HYCC1: variants seen among roughly 807,000 people sequenced by gnomAD.
The protein encoded by HYCC1 is hyccin PI4KA lipid kinase complex subunit 1.
the HYCC1 span, among the ~76,000 whole-genome samples, chr7:22,982,513 T>A: frequency 6.6e-6 from 1 of 152,318 alleles, no homozygotes; most frequent in South Asian, 2.1e-4. Flanking sequence ...CATATTGGAC[T>A]GGACTCCAGG....
At chr7:22,925,387 C>G in the HYCC1 span, among the ~76,000 whole-genome samples, 1 of 152,058 alleles carries the variant, frequency 6.6e-6, no homozygotes, top group African/African-American at 2.4e-5. Flanking sequence ...CTACTCCGAG[C>G]TAAAGGAGGA....
the HYCC1 span, among the ~76,000 whole-genome samples, chr7:23,000,754 G>A: frequency 6.6e-6 from 1 of 151,896 alleles, no homozygotes; most frequent in Non-Finnish European, 1.5e-5. Flanking sequence ...TTCCACCTAG[G>A]GCCTGTCCTC....
At chr7:22,978,166 T>C in the HYCC1 span, 1 of 1,039,160 alleles carries the variant, frequency 9.6e-7, no homozygotes, top group Admixed American at 1.9e-5. Flanking sequence ...TCATTTGGTG[T>C]ATGAAAAAAC....
chr7:22,999,561 A>G, the HYCC1 span, among the ~76,000 whole-genome samples: 1 of 152,224 alleles, frequency 6.6e-6, no homozygotes, highest in Non-Finnish European at 1.5e-5. Flanking sequence ...CAGGATGTCA[A>G]GTCGACAGCC....
At chr7:22,930,686 C>T in the HYCC1 span, among the ~76,000 whole-genome samples, 1 of 151,864 alleles carries the variant, frequency 6.6e-6, no homozygotes, top group Admixed American at 6.6e-5. Flanking sequence ...AGTAATATTC[C>T]CCATGAGTAG....
At chr7:22,976,157 G>T in the HYCC1 span, 4 of 1,074,582 alleles carry the variant, frequency 3.7e-6, no homozygotes, top group Non-Finnish European at 5.8e-6. Flanking sequence ...TACCAGACTA[G>T]CAATCATAGA....
At chr7:22,906,534 C>T in the HYCC1 span, among the ~76,000 whole-genome samples, 6 of 149,744 alleles carry the variant, frequency 4.0e-5, no homozygotes, top group Non-Finnish European at 8.9e-5. Context: ...GCCAAGATCG[C>T]GCCACTGCAA....
At chr7:22,941,196 A>C in the HYCC1 span, 7 of 152,176 alleles carry the variant, frequency 4.6e-5, no homozygotes, top group African/African-American at 1.7e-4. Flanking sequence ...CTCTTCCTTC[A>C]TATCAAAACT....
the HYCC1 span, among the ~76,000 whole-genome samples, chr7:22,969,286 T>C: frequency 6.6e-6 from 1 of 151,746 alleles, no homozygotes; most frequent in African/African-American, 2.4e-5. Context: ...GTGACTCTCA[T>C]GCCCCAGCCT....
chr7:22,921,088 T>C, the HYCC1 span, among the ~76,000 whole-genome samples: 1 of 152,202 alleles, frequency 6.6e-6, no homozygotes, highest in Non-Finnish European at 1.5e-5. Flanking sequence ...TGTGAGCCAA[T>C]TAAACCTCTT....
At chr7:22,914,851 C>T in the HYCC1 span, among the ~76,000 whole-genome samples, 9 of 152,110 alleles carry the variant, frequency 5.9e-5, no homozygotes, top group Non-Finnish European at 5.9e-5. Context: ...CTCTATAATC[C>T]TTCTATCACC....
chr7:22,948,365 G>A, the HYCC1 span, among the ~76,000 whole-genome samples: 2 of 152,052 alleles, frequency 1.3e-5, no homozygotes, highest in African/African-American at 4.8e-5. Context: ...AAAGAACAAA[G>A]GCCAGAGCCA....
chr7:22,991,359 C>T, the HYCC1 span, among the ~76,000 whole-genome samples: 1 of 152,086 alleles, frequency 6.6e-6, no homozygotes, highest in Admixed American at 6.6e-5. Flanking sequence ...GAAATTGGCT[C>T]TCCAATTTTC....
At chr7:23,005,542 CTGAT>C in the HYCC1 span, among the ~76,000 whole-genome samples, 1 of 152,210 alleles carries the variant, frequency 6.6e-6, no homozygotes, top group Non-Finnish European at 1.5e-5. Flanking sequence ...TTACTCTTCA[CTGAT>C]TAACTTTCTG....
At chr7:22,965,045 A>C in the HYCC1 span, among the ~76,000 whole-genome samples, 25 of 151,984 alleles carry the variant, frequency 1.6e-4, no homozygotes, top group South Asian at 6.2e-4. Context: ...GAGGCAGCAC[A>C]ATCACTTGAA....
chr7:22,997,175 T>G, the HYCC1 span, among the ~76,000 whole-genome samples: 1 of 152,176 alleles, frequency 6.6e-6, no homozygotes, highest in African/African-American at 2.4e-5. Flanking sequence ...TAATAACAAT[T>G]ACCAAAATTT....
At chr7:22,922,601 G>A in the HYCC1 span, among the ~76,000 whole-genome samples, 2 of 152,274 alleles carry the variant, frequency 1.3e-5, no homozygotes, top group Admixed American at 1.3e-4. Flanking sequence ...TCACACCATT[G>A]TAAAGTTAAA....
the HYCC1 span, among the ~76,000 whole-genome samples, chr7:22,967,151 T>G: frequency 1.3e-5 from 2 of 152,220 alleles, no homozygotes; most frequent in African/African-American, 2.4e-5. Context: ...GAGATATACA[T>G]GATGGATGTA....
chr7:22,911,135 T>G, the HYCC1 span, among the ~76,000 whole-genome samples: 1 of 152,058 alleles, frequency 6.6e-6, no homozygotes, highest in Non-Finnish European at 1.5e-5. Context: ...AATATAGGAG[T>G]TCTTACCATT....
Sources: gnomAD v4.1 joint callset for allele counts (sites outside exome capture counted in the v4.1 genomes callset) on GRCh38, gnomAD v4.1.1 for gene constraint, MANE v1.5 for transcripts, NCBI Gene and HGNC (gene_info 2026-07-23, HGNC 2026-07-21) for gene names.